Variants in GABRA4 observed in about 807,000 individuals in gnomAD.
GABRA4 encodes the protein gamma-aminobutyric acid receptor subunit alpha-4.
In GABRA4, 12 loss-of-function variants were observed where a neutral mutation model predicts 49.7. The ratio of observed to expected loss-of-function variants is 0.24; its 90% confidence interval spans 0.15 to 0.39. The LOEUF is 0.39. GABRA4 is among the 10% of genes least tolerant of loss of function. The pLI is 1.00. For missense variants in GABRA4, 506 were observed against 686.0 expected, an observed-to-expected ratio of 0.74 and a Z score of 2.93; for synonymous variants, 288 against 240.2, an observed-to-expected ratio of 1.20 and a Z score of -1.84.
chr4:46,979,257 G>T (rs545562663), intron 2 of GABRA4, among the ~76,000 whole-genome samples, 159 bp from the exon 3 acceptor site: 1 of 152,016 alleles, frequency 6.6e-6, no homozygotes. Context: ...AACAAATGTA[G>T]ACCAAAGCGC....
At chr4:46,978,330 G>A (rs1246528448) in intron 3 of GABRA4, among the ~76,000 whole-genome samples, 1 of 151,932 alleles carries the variant, frequency 6.6e-6, no homozygotes, top group African/African-American at 2.4e-5. Flanking sequence ...ATAAAATAGT[G>A]TACACGACTA....
chr4:46,934,043 C>T (rs1347154532), intron 8 of GABRA4, among the ~76,000 whole-genome samples: 1 of 152,050 alleles, frequency 6.6e-6, no homozygotes, highest in Admixed American at 6.6e-5. Flanking sequence ...ATGACTCTAG[C>T]AGCAATGAGA....
chr4:46,929,808 T>G (rs1721366148), intron 8 of GABRA4, among the ~76,000 whole-genome samples: 1 of 152,002 alleles, frequency 6.6e-6, no homozygotes, highest in African/African-American at 2.4e-5. Flanking sequence ...CTTCTCCCCT[T>G]ACCATTTCAT....
At chr4:46,957,704 C>T (rs1722415591) in intron 8 of GABRA4, among the ~76,000 whole-genome samples, 1 of 151,868 alleles carries the variant, frequency 6.6e-6, no homozygotes, top group African/African-American at 2.4e-5. Flanking sequence ...TTCCCTCACC[C>T]AATATATCCA....
intron 2 of GABRA4, among the ~76,000 whole-genome samples, chr4:46,985,015 C>G (rs1275182228): frequency 6.6e-6 from 1 of 151,918 alleles, no homozygotes; most frequent in Non-Finnish European, 1.5e-5. Flanking sequence ...TGGAAACAAG[C>G]AAAAAGCCTA....
intron 2 of GABRA4, among the ~76,000 whole-genome samples, chr4:46,992,444 C>T (rs1197733466): frequency 1.3e-5 from 2 of 152,192 alleles, no homozygotes; most frequent in African/African-American, 4.8e-5. Context: ...TGAGGGACTT[C>T]GGTTCAGCTG....
At chr4:46,991,057 G>A (rs1346020295) in intron 2 of GABRA4, among the ~76,000 whole-genome samples, 5 of 152,070 alleles carry the variant, frequency 3.3e-5, no homozygotes, top group Non-Finnish European at 7.4e-5. Context: ...GTGGTGGCTT[G>A]CACCTGTAAT....
At position 46,965,344 on chromosome 4, in the gene GABRA4, A is replaced by T. The variant is rs6849045; in HGVS notation, c.875-115T>A. 2,461 of 813,248 alleles carry T rather than the reference A, an allele frequency of 3.0e-3. 38 individuals are homozygous for T. The African/African-American group carries it at 0.039, about 13-fold the overall frequency. 50.4% of individuals were successfully genotyped at this position (813,248 alleles called of 1,614,324 possible). On this transcript the variant is annotated intron_variant, in intron 7 of 8. Transcript: ENST00000264318. ...TGTGGAATAGGGTTAACAAAACTACAATAACTCAAAGAAAACCATCTTTGA... is the reference window on the plus strand; with the variant it reads ...TGTGGAATAGGGTTAACAAAACTACTATAACTCAAAGAAAACCATCTTTGA...
chr4:46,950,784 G>A (rs146313013), intron 8 of GABRA4, among the ~76,000 whole-genome samples: 139 of 146,502 alleles, frequency 9.5e-4, no homozygotes, highest in Admixed American at 3.4e-3. Context: ...TTACTCTCCA[G>A]GGAAGCAAGA....
chr4:46,977,371 G>C (rs765269415), intron 4 of GABRA4, 39 bp downstream of exon 4: 1 of 1,136,640 alleles, frequency 8.8e-7, no homozygotes, highest in African/African-American at 1.6e-5. Context: ...AGAAAGAAAA[G>C]AATAAAAAAG....
chr4:46,968,635 T>A (rs1358147844), intron 7 of GABRA4, among the ~76,000 whole-genome samples: 1 of 151,684 alleles, frequency 6.6e-6, no homozygotes, highest in Non-Finnish European at 1.5e-5. Flanking sequence ...TTAACAATAT[T>A]TGGCAAATCT....
intron 8 of GABRA4, among the ~76,000 whole-genome samples, chr4:46,938,110 T>C (rs1367888503): frequency 6.6e-6 from 1 of 152,168 alleles, no homozygotes; most frequent in Admixed American, 6.6e-5. Context: ...AGTTAATATA[T>C]ATAGAGAGAG....
intron 7 of GABRA4, among the ~76,000 whole-genome samples, chr4:46,967,697 T>C (rs909584301): frequency 1.3e-5 from 2 of 151,692 alleles, no homozygotes; most frequent in Non-Finnish European, 3.0e-5. Flanking sequence ...TTAGCCGGCA[T>C]CTACCCTGAA....
rs1003935724 is a variant in GABRA4, at chr4:46,954,983, A to G, written c.1134+9987T>C. Among the ~76,000 whole-genome samples the G allele has an allele frequency of 5.3e-5, 8 of 152,266 alleles. 2 individuals carry two copies. Among genetic ancestry groups the G allele is most frequent in the Admixed American group, 1.3e-4 (2 of 15,278 alleles). ...CAACAGATGGCAGAGTTTGTTATAA[A>G]GATTAGAGATAATTCATGTAAAGCA... On this transcript the variant is annotated intron_variant, in intron 8 of 8. Coordinates refer to ENST00000264318, the MANE Select transcript of GABRA4 (RefSeq NM_000809.4).
At chr4:46,960,884 A>G (rs1315094594) in intron 8 of GABRA4, among the ~76,000 whole-genome samples, 1 of 151,782 alleles carries the variant, frequency 6.6e-6, no homozygotes, top group African/African-American at 2.4e-5. Context: ...CAATAATTAG[A>G]AAATAGAAAC....
chr4:46,942,215 C>G (rs1373359717), intron 8 of GABRA4, among the ~76,000 whole-genome samples: 1 of 152,078 alleles, frequency 6.6e-6, no homozygotes, highest in Non-Finnish European at 1.5e-5. Context: ...TATGGAACAT[C>G]CACTCATGAG....
chr4:46,969,738 A>G (rs148711911), intron 7 of GABRA4, among the ~76,000 whole-genome samples: 176 of 151,600 alleles, frequency 1.2e-3, no homozygotes, highest in Non-Finnish European at 1.7e-3. Flanking sequence ...TTATGAATGG[A>G]GAAAATAAGT....
At chr4:46,988,885 T>C (rs1023430413) in intron 2 of GABRA4, among the ~76,000 whole-genome samples, 2 of 152,060 alleles carry the variant, frequency 1.3e-5, no homozygotes, top group Non-Finnish European at 2.9e-5. Flanking sequence ...CACCAAGGAG[T>C]AGCTATAAAA....
At chr4:46,936,617 C>T (rs1015480751) in intron 8 of GABRA4, among the ~76,000 whole-genome samples, 1 of 152,146 alleles carries the variant, frequency 6.6e-6, no homozygotes, top group Non-Finnish European at 1.5e-5. Flanking sequence ...ATCAGGGAAA[C>T]AGCACAGATT....
Sources: gnomAD v4.1 joint callset for allele counts (sites outside exome capture counted in the v4.1 genomes callset) on GRCh38, gnomAD v4.1.1 for gene constraint, MANE v1.5 for transcripts, NCBI Gene and HGNC (gene_info 2026-07-23, HGNC 2026-07-21) for gene names.